Variants in IFT74 observed in about 807,000 individuals in gnomAD.
IFT74 encodes the protein intraflagellar transport 74.
A neutral mutation model predicts 96.7 loss-of-function variants in IFT74; 92 were observed. That is an observed-to-expected ratio of 0.95 (90% CI 0.80 to 1.13). IFT74 has a LOEUF of 1.13. Among genes scored for constraint, IFT74 ranks in the 50% most tolerant of loss-of-function variants. IFT74 has a pLI of 0.00. For synonymous variants in IFT74, 223 were observed against 213.2 expected (o/e 1.05, Z -0.40); for missense variants, 811 against 698.2 (o/e 1.16, Z -1.82).
intron 1 of IFT74, among the ~76,000 whole-genome samples, chr9:26,959,908 C>T (rs1006388193): frequency 6.6e-6 from 1 of 152,140 alleles, no homozygotes; most frequent in Admixed American, 6.5e-5. Flanking sequence ...GTATGATTTC[C>T]ATCAGCAATG....
chr9:26,962,879 A>G (rs1826425837), intron 2 of IFT74, among the ~76,000 whole-genome samples: 1 of 151,878 alleles, frequency 6.6e-6, no homozygotes, highest in African/African-American at 2.4e-5. Context: ...TAATATATAT[A>G]CCATATATAG....
At position 27,065,373 on chromosome 9, in the gene IFT74, A is replaced by G. The variant is rs926371214; in HGVS notation, c.*2637A>G. Reference sequence around the variant, plus strand: ...TGAACTGGCTCTTCCTGAGTCAGTCACATTACTCAGGGGGTTCCATTCATG... The same window carrying G: ...TGAACTGGCTCTTCCTGAGTCAGTCGCATTACTCAGGGGGTTCCATTCATG... On this transcript the variant is annotated 3_prime_UTR_variant, in exon 20 of 20. Coordinates refer to ENST00000380062, the MANE Select transcript of IFT74 (RefSeq NM_025103.4). 1.3e-5 allele frequency among the ~76,000 whole-genome samples: 2 copies of G among 152,166 alleles called. No homozygotes were observed. The highest frequency in any genetic ancestry group is 2.4e-5 in the African/African-American group (1 of 41,440).
intron 8 of IFT74, chr9:26,993,154 G>A (rs1329236146): frequency 9.2e-5 from 14 of 151,978 alleles, no homozygotes; most frequent in African/African-American, 3.1e-4. Flanking sequence ...TCTTTGTGTA[G>A]TCAGATATTT....
intron 2 of IFT74, among the ~76,000 whole-genome samples, chr9:26,967,054 T>A (rs569922321): frequency 4.1e-4 from 62 of 152,002 alleles, no homozygotes; most frequent in East Asian, 1.2e-3. Flanking sequence ...CTTTTTTTTT[T>A]AATTCAGGAT....
chr9:26,957,207 C>G (rs898932528), intron 1 of IFT74, among the ~76,000 whole-genome samples: 1 of 152,192 alleles, frequency 6.6e-6, no homozygotes, highest in African/African-American at 2.4e-5. Context: ...ATGCCCGCCT[C>G]TTAATCCCAC....
intron 13 of IFT74, among the ~76,000 whole-genome samples, chr9:27,040,934 C>T (rs933210736): frequency 2.0e-5 from 3 of 152,042 alleles, no homozygotes; most frequent in African/African-American, 7.2e-5. Context: ...GGTGAACTTC[C>T]CTTGCAGTGA....
chr9:26,948,691 C>G (rs1031855404), intron 1 of IFT74, among the ~76,000 whole-genome samples: 3 of 151,918 alleles, frequency 2.0e-5, no homozygotes, highest in Non-Finnish European at 4.4e-5. Context: ...GTCTCAATCT[C>G]TTGACCTCAT....
chr9:27,018,656 G>A lies in IFT74; in HGVS notation c.943G>A (p.Asp315Asn). The A allele has an allele frequency of 6.6e-7, 1 of 1,516,328 alleles. No homozygotes were observed. The allele number at this position is 1,516,328 out of a possible 1,614,324, so 93.9% of individuals were successfully genotyped here. A position where few individuals can be genotyped will look rare whatever the true frequency, so the allele number is the denominator to read the frequency against. ...TTTTATGCCTTTGTAGATTAAAGATGATAATCAGGAAATAGCCAGCATGGA... is the reference window on the plus strand; with the variant it reads ...TTTTATGCCTTTGTAGATTAAAGATAATAATCAGGAAATAGCCAGCATGGA... The part of the protein sequence containing the change: ...REKLLKQIKD[D>N]NQEIASMERQ... Residue 315 changes from aspartate (D) to asparagine (N), a missense_variant, in exon 12 of 20, where the codon GAT becomes AAT. Asp to Asn is a conservative substitution (Grantham distance 23). Coordinates refer to ENST00000380062, the MANE Select transcript of IFT74 (RefSeq NM_025103.4).
At chr9:27,021,301 C>G (rs1204604180) in intron 12 of IFT74, among the ~76,000 whole-genome samples, 1 of 152,070 alleles carries the variant, frequency 6.6e-6, no homozygotes, top group Non-Finnish European at 1.5e-5. Context: ...CATGCGTGTG[C>G]AAGTGTCTTT....
rs371641870 is a variant in IFT74 at position 27,056,420 on chromosome 9, A to G, written c.1584A>G (p.Ala528=). ...AGAAGCAAAACATAGAGTATGAGGCACTAAAAACACAATTGCAAGAAAATG... is the reference window on the plus strand; with the variant it reads ...AGAAGCAAAACATAGAGTATGAGGCGCTAAAAACACAATTGCAAGAAAATG... The part of the protein sequence containing the change: ...IMEKQNIEYE[A]LKTQLQENET... The change falls in exon 18 of 20, where the codon GCA becomes GCG. Residue 528 remains alanine, a synonymous_variant. Transcript: ENST00000380062. The G allele has an allele frequency of 1.3e-6, 2 of 1,599,876 alleles. No homozygotes were observed. The highest frequency in any genetic ancestry group is 1.7e-4 in the Middle Eastern group (1 of 6,024).
At chr9:27,050,762 C>G (rs1259028518) in intron 16 of IFT74, among the ~76,000 whole-genome samples, 4 of 151,046 alleles carry the variant, frequency 2.6e-5, no homozygotes, top group Non-Finnish European at 4.4e-5. Flanking sequence ...GGAGGGATAG[C>G]ATTAGGAGGT....
intron 12 of IFT74, among the ~76,000 whole-genome samples, chr9:27,026,236 A>G (rs1829855038): frequency 6.6e-6 from 1 of 152,210 alleles, no homozygotes; most frequent in South Asian, 2.1e-4. Flanking sequence ...AAGACAAAGA[A>G]GGACATTATG....
chr9:26,997,988 A>G (rs1587317656), intron 8 of IFT74: 2 of 1,614,010 alleles, frequency 1.2e-6, no homozygotes, highest in Non-Finnish European at 1.7e-6. Context: ...ACCCTGTTGA[A>G]TTACATAGAT....
At position 27,004,608 on chromosome 9, in the gene IFT74, A is replaced by G. The variant is rs557892097; in HGVS notation, c.588-4412A>G. On this transcript the variant is annotated intron_variant, in intron 8 of 19. Transcript: ENST00000380062. ...TGGCCAAGTAGATTATGCAGAAATT[A>G]TCCATCAGTCAGTTTAGCCTGTTTC... 2.6e-5 allele frequency among the ~76,000 whole-genome samples: 4 copies of G among 152,236 alleles called. No homozygotes were observed. The South Asian group carries it at 8.3e-4, about 31-fold the overall frequency.
chr9:26,951,388 AT>A (rs985476927), intron 1 of IFT74, among the ~76,000 whole-genome samples: 15 of 149,682 alleles, frequency 1.0e-4, no homozygotes, highest in Admixed American at 2.0e-4. Flanking sequence ...ATTGTTTAGC[AT>A]TTTTTTTTTA....
Position 27,057,287 on chromosome 9 carries a change from A to G in IFT74, c.1623+828A>G, listed in dbSNP as rs180703809. Among the ~76,000 whole-genome samples, 779 of 152,184 alleles carry G rather than the reference A, an allele frequency of 5.1e-3. 5 individuals are homozygous for G. Among genetic ancestry groups the G allele is most frequent in the Non-Finnish European group, 7.5e-3 (511 of 68,010 alleles). ...CTGCAGCCCCCTTTTCATATCACTC[A>G]TCTTGCTGATAATTACTTGAACAGT... is the stretch of plus-strand genomic sequence containing the variant. On this transcript the variant is annotated intron_variant, in intron 18 of 19. Coordinates refer to ENST00000380062, the MANE Select transcript of IFT74 (RefSeq NM_025103.4).
In IFT74 at chr9:26,961,575, C is replaced by G. The variant is rs145044318; in HGVS notation, c.-19-374C>G. Among the ~76,000 whole-genome samples, 563 of 152,028 alleles carry G rather than the reference C, an allele frequency of 3.7e-3. 5 individuals carry two copies. Among genetic ancestry groups the G allele is most frequent in the African/African-American group, 0.013 (539 of 41,422 alleles). ...TTAAGAAAATAGAAAGTATTTGTAACAAGATTCAGAATATAAGAGTTAATC... is the reference window on the plus strand; with the variant it reads ...TTAAGAAAATAGAAAGTATTTGTAAGAAGATTCAGAATATAAGAGTTAATC... On this transcript the variant is annotated intron_variant, in intron 1 of 19. Coordinates refer to ENST00000380062, the MANE Select transcript of IFT74 (RefSeq NM_025103.4).
rs992916343 is a variant in IFT74, at chr9:27,056,518, A to G, written c.1623+59A>G. ...TTAGTCTATATTTTCACCCCAAAAC[A>G]ATCAATTTTTTATTTTAAAATTTGC... is the stretch of plus-strand genomic sequence containing the variant. On this transcript the variant is annotated intron_variant, in intron 18 of 19. Coordinates refer to ENST00000380062, the MANE Select transcript of IFT74 (RefSeq NM_025103.4). 1.3e-5 allele frequency: 19 copies of G among 1,445,656 alleles called. 1 individual carries two copies. In the Admixed American group the frequency reaches 4.6e-4, roughly 35 times the overall value. The allele number at this position is 1,445,656 out of a possible 1,614,324, so 89.6% of individuals were successfully genotyped here. A position where few individuals can be genotyped will look rare whatever the true frequency, so the allele number is the denominator to read the frequency against.
Position 27,028,817 on chromosome 9 carries a change from A to G in IFT74, c.975-208A>G, listed in dbSNP as rs539895634. The G allele has an allele frequency of 1.5e-5, 6 of 410,800 alleles. No individual in the cohort carries two copies. The Admixed American group carries it at 1.9e-4, about 13-fold the overall frequency. The allele number at this position is 410,800 out of a possible 1,614,324, so 25.4% of individuals were successfully genotyped here. ...TCTCTAAATTTATAGTATTGTCCTC[A>G]TAATAGGATATGCTATTTTTCGATA... is the stretch of plus-strand genomic sequence containing the variant. On this transcript the variant is annotated intron_variant, in intron 12 of 19. Coordinates refer to ENST00000380062, the MANE Select transcript of IFT74 (RefSeq NM_025103.4).
Sources: gnomAD v4.1 joint callset for allele counts (sites outside exome capture counted in the v4.1 genomes callset) on GRCh38, gnomAD v4.1.1 for gene constraint, MANE v1.5 for transcripts, NCBI Gene and HGNC (gene_info 2026-07-23, HGNC 2026-07-21) for gene names.